PLOD2: variants seen among roughly 807,000 people sequenced by gnomAD.
The protein encoded by PLOD2 is procollagen-lysine,2-oxoglutarate 5-dioxygenase 2.
PLOD2 carries 65 observed loss-of-function variants against 101.0 expected under a neutral mutation model. The observed-to-expected ratio is 0.64, with a 90% CI of 0.53 to 0.79. The LOEUF (loss-of-function observed/expected upper bound fraction) is 0.79. Among genes scored for constraint, PLOD2 ranks in the 30% least tolerant of loss-of-function variants. PLOD2 has a pLI of 0.00. For missense variants in PLOD2, 909 were observed against 914.6 expected, an observed-to-expected ratio of 0.99 and a Z score of 0.08; for synonymous variants, 314 against 302.9, an observed-to-expected ratio of 1.04 and a Z score of -0.38.
At chr3:146,097,806 T>TA (rs1369036899) in intron 7 of PLOD2, among the ~76,000 whole-genome samples, 13 of 125,062 alleles carry the variant, frequency 1.0e-4, no homozygotes, top group African/African-American at 2.0e-4. Flanking sequence ...AAAAAAAAAA[T>TA]AATAATAATA....
intron 7 of PLOD2, among the ~76,000 whole-genome samples, chr3:146,100,026 C>CATGT (rs1937331770): frequency 1.3e-5 from 2 of 151,866 alleles, no homozygotes; most frequent in Admixed American, 1.3e-4. Context: ...GGATTAAAGG[C>CATGT]ATGTGCCACC....
At chr3:146,151,176 T>C (rs921725240) in intron 1 of PLOD2, among the ~76,000 whole-genome samples, 3 of 152,174 alleles carry the variant, frequency 2.0e-5, no homozygotes, top group African/African-American at 7.2e-5. Flanking sequence ...CAGCACTCTG[T>C]CTCTACCACC....
intron 5 of PLOD2, among the ~76,000 whole-genome samples, chr3:146,106,150 A>G (rs1937531572): frequency 6.6e-6 from 1 of 152,214 alleles, no homozygotes; most frequent in Admixed American, 6.5e-5. Flanking sequence ...CTAAGTGAGT[A>G]TGCAGTGGAG....
At chr3:146,113,678 G>A (rs764946778) in intron 3 of PLOD2, among the ~76,000 whole-genome samples, 21 of 151,962 alleles carry the variant, frequency 1.4e-4, no homozygotes, top group Admixed American at 2.0e-4. Flanking sequence ...CGTCATCTTC[G>A]TAAGCTGAGG....
intron 1 of PLOD2, among the ~76,000 whole-genome samples, chr3:146,135,274 A>C (rs1290334163): frequency 1.3e-5 from 2 of 152,138 alleles, no homozygotes; most frequent in African/African-American, 2.4e-5. Flanking sequence ...TACGAGTTGA[A>C]GTTGCTATAT....
intron 4 of PLOD2, among the ~76,000 whole-genome samples, chr3:146,107,945 C>T (rs1269010584): frequency 6.6e-6 from 1 of 151,562 alleles, no homozygotes. Flanking sequence ...TGCCTGGCAT[C>T]AAATAAAAAA....
intron 3 of PLOD2, among the ~76,000 whole-genome samples, chr3:146,115,108 T>G (rs1452522917): frequency 6.6e-6 from 1 of 152,084 alleles, no homozygotes; most frequent in Non-Finnish European, 1.5e-5. Flanking sequence ...GCTTTAAAAT[T>G]TCTCTCTTTT....
At chr3:146,131,838 T>C (rs950608695) in intron 1 of PLOD2, among the ~76,000 whole-genome samples, 3 of 152,144 alleles carry the variant, frequency 2.0e-5, no homozygotes, top group Non-Finnish European at 4.4e-5. Flanking sequence ...TTTTGTGGAA[T>C]TGTTGAAGAG....
intron 7 of PLOD2, among the ~76,000 whole-genome samples, chr3:146,098,573 T>C (rs899129264): frequency 6.6e-6 from 1 of 152,098 alleles, no homozygotes; most frequent in Non-Finnish European, 1.5e-5. Context: ...TAAAACCATA[T>C]GGGAGGGCAG....
chr3:146,096,753 G>C (rs1180369555), intron 7 of PLOD2, among the ~76,000 whole-genome samples: 1 of 147,580 alleles, frequency 6.8e-6, no homozygotes, highest in South Asian at 2.2e-4. Context: ...GGAGGGAGGT[G>C]GGGGGGGTCA....
At position 146,097,106 on chromosome 3, in the gene PLOD2, C is replaced by T. The variant is rs1487152080; in HGVS notation, c.778-5205G>A. Among the ~76,000 whole-genome samples, 7 of 145,950 alleles carry T rather than the reference C, an allele frequency of 4.8e-5. No homozygotes were observed. The South Asian group carries it at 6.5e-4, about 14-fold the overall frequency. The stretch of plus-strand genomic sequence containing the variant: ...TGAGGAGCCCCTCTGCCCGGCCAGT[C>T]GCCCTGTCCAGGAGGGAGGTGGGGG... On this transcript the variant is annotated intron_variant, in intron 7 of 19. Transcript: ENST00000282903.
chr3:146,084,771 G>A (rs1482422271), intron 11 of PLOD2, among the ~76,000 whole-genome samples: 1 of 151,984 alleles, frequency 6.6e-6, no homozygotes, highest in African/African-American at 2.4e-5. Flanking sequence ...TTGTACCTCT[G>A]AAATTTCCTT....
At chr3:146,096,819 C>T (rs1292577804) in intron 7 of PLOD2, among the ~76,000 whole-genome samples, 16 of 143,056 alleles carry the variant, frequency 1.1e-4, no homozygotes, top group Admixed American at 3.4e-4. Context: ...TCTGCCCGGC[C>T]GCCCCTACTG....
intron 11 of PLOD2, among the ~76,000 whole-genome samples, chr3:146,082,800 CAGG>C (rs1936608922): frequency 6.6e-6 from 1 of 152,114 alleles, no homozygotes; most frequent in Non-Finnish European, 1.5e-5. Context: ...GAGGCTGACA[CAGG>C]AGAATCGCTT....
chr3:146,146,097 A>C (rs2031762312), intron 1 of PLOD2, among the ~76,000 whole-genome samples: 1 of 152,142 alleles, frequency 6.6e-6, no homozygotes, highest in South Asian at 2.1e-4. Flanking sequence ...GGTCTTCTTA[A>C]AAGCTGACAA....
chr3:146,150,343 A>G (rs1251359668), intron 1 of PLOD2, among the ~76,000 whole-genome samples: 3 of 152,176 alleles, frequency 2.0e-5, no homozygotes, highest in Non-Finnish European at 4.4e-5. Context: ...AGGGTCCCCA[A>G]TTTTTAAGTA....
At chr3:146,097,803 A>AATAAT (rs1553733433) in intron 7 of PLOD2, among the ~76,000 whole-genome samples, 3 of 142,088 alleles carry the variant, frequency 2.1e-5, no homozygotes, top group African/African-American at 7.9e-5. Context: ...AATAAAAAAA[A>AATAAT]AATAATAATA....
At chr3:146,112,054 T>C (rs1937658735) in intron 3 of PLOD2, among the ~76,000 whole-genome samples, 1 of 152,192 alleles carries the variant, frequency 6.6e-6, no homozygotes, top group African/African-American at 2.4e-5. Context: ...AAACTGAGTC[T>C]GAAATTTTGC....
chr3:146,123,851 A>T (rs951391942), intron 2 of PLOD2, among the ~76,000 whole-genome samples: 2 of 152,080 alleles, frequency 1.3e-5, no homozygotes, highest in African/African-American at 4.8e-5. Flanking sequence ...TAATTATTAC[A>T]GGTGCATAAT....
Sources: gnomAD v4.1 joint callset for allele counts (sites outside exome capture counted in the v4.1 genomes callset) on GRCh38, gnomAD v4.1.1 for gene constraint, MANE v1.5 for transcripts, NCBI Gene and HGNC (gene_info 2026-07-23, HGNC 2026-07-21) for gene names.